PDE1C: variants seen among roughly 807,000 people sequenced by gnomAD.
PDE1C encodes the protein phosphodiesterase 1C.
PDE1C carries 62 observed loss-of-function variants against 93.1 expected under a neutral mutation model. That is an observed-to-expected ratio of 0.67 (90% CI 0.54 to 0.82). PDE1C has a LOEUF of 0.82. Ranked by LOEUF, PDE1C falls within the 40% of genes least tolerant of loss-of-function variation. The pLI is 0.00. For synonymous variants in PDE1C, 325 were observed against 310.1 expected (o/e 1.05, Z -0.50); for missense variants, 742 against 884.6 (o/e 0.84, Z 2.04).
intron 1 of PDE1C, among the ~76,000 whole-genome samples, chr7:32,350,588 A>T (rs1271237887): frequency 0.15 from 403 of 2,684 alleles, 74 homozygotes; most frequent in East Asian, 0.56. Context: ...ATATATATAT[A>T]TATTTTTTTT....
chr7:31,648,932 A>G, the PDE1C span, among the ~76,000 whole-genome samples: 2 of 152,244 alleles, frequency 1.3e-5, no homozygotes, highest in Non-Finnish European at 2.9e-5. Flanking sequence ...ATTCTATGTC[A>G]GAACACGTAT....
chr7:31,823,611 C>T (rs1032053732), intron 13 of PDE1C, among the ~76,000 whole-genome samples: 10 of 152,086 alleles, frequency 6.6e-5, no homozygotes, highest in Non-Finnish European at 1.5e-4. Flanking sequence ...AGTTCACCTA[C>T]CTGCTTCCAC....
At chr7:32,230,382 C>G (rs1293949540) in intron 1 of PDE1C, among the ~76,000 whole-genome samples, 1 of 152,184 alleles carries the variant, frequency 6.6e-6, no homozygotes, top group African/African-American at 2.4e-5. Context: ...AATGCCCGTT[C>G]AGCCCCTACT....
At chr7:31,927,549 C>G (rs1251939738) in intron 2 of PDE1C, among the ~76,000 whole-genome samples, 1 of 152,160 alleles carries the variant, frequency 6.6e-6, no homozygotes, top group South Asian at 2.1e-4. Flanking sequence ...CAGGAAAGCT[C>G]CAGCTGGTAT....
At chr7:32,063,436 G>T (rs1477703553) in intron 1 of PDE1C, among the ~76,000 whole-genome samples, 1 of 152,166 alleles carries the variant, frequency 6.6e-6, no homozygotes, top group African/African-American at 2.4e-5. Context: ...AACTAGAGAT[G>T]GTAATGCAGA....
At chr7:32,147,387 A>G (rs1334127188) in intron 3 of PDE1C, among the ~76,000 whole-genome samples, 1 of 152,310 alleles carries the variant, frequency 6.6e-6, no homozygotes, top group East Asian at 1.9e-4. Context: ...TTTGGGAAAA[A>G]TATCAGTGGC....
intron 2 of PDE1C, among the ~76,000 whole-genome samples, chr7:31,921,979 A>G (rs1420705932): frequency 2.0e-5 from 3 of 150,684 alleles, no homozygotes; most frequent in Non-Finnish European, 3.0e-5. Flanking sequence ...AGAAAATTAG[A>G]GTTAAGAGAG....
At chr7:32,114,730 A>C (rs796975495) in intron 3 of PDE1C, among the ~76,000 whole-genome samples, 1 of 152,222 alleles carries the variant, frequency 6.6e-6, no homozygotes, top group South Asian at 2.1e-4. Flanking sequence ...CAAAGGTCTA[A>C]TATCTAGAAT....
chr7:31,884,393 G>A (rs568747103), intron 2 of PDE1C, among the ~76,000 whole-genome samples: 1 of 151,996 alleles, frequency 6.6e-6, no homozygotes, highest in South Asian at 2.1e-4. Context: ...AAAGGTAAAA[G>A]CCCAAATCAA....
chr7:31,936,361 GA>G (rs1805070944), intron 2 of PDE1C, among the ~76,000 whole-genome samples: 1 of 149,264 alleles, frequency 6.7e-6, no homozygotes, highest in Admixed American at 6.7e-5. Context: ...CAATTCCTGA[GA>G]AAACAAACTC....
chr7:32,325,989 G>A (rs1439165743), intron 1 of PDE1C, among the ~76,000 whole-genome samples: 2 of 152,052 alleles, frequency 1.3e-5, no homozygotes, highest in Non-Finnish European at 2.9e-5. Context: ...TGGAAGTAGT[G>A]AGATTCTAAT....
intron 3 of PDE1C, among the ~76,000 whole-genome samples, chr7:32,135,052 G>A (rs1043820687): frequency 5.3e-5 from 8 of 152,104 alleles, no homozygotes; most frequent in Non-Finnish European, 1.0e-4. Context: ...AGCAATCCCA[G>A]TGAAAGGGCA....
rs147937784 is a variant in PDE1C, at chr7:31,793,070, C to A, written c.1891+15961G>T. On this transcript the variant is annotated intron_variant, in intron 16 of 17. Transcript: ENST00000396191. ...TATTTACTCTATAGGAGCATACAATCATGTTTCAGCAACTTCATTTAGAAA... is the reference window on the plus strand; with the variant it reads ...TATTTACTCTATAGGAGCATACAATAATGTTTCAGCAACTTCATTTAGAAA... 2.8e-3 allele frequency among the ~76,000 whole-genome samples: 431 copies of A among 152,146 alleles called. 4 individuals are homozygous for A. Among genetic ancestry groups the A allele is most frequent in the Middle Eastern group, 0.014 (4 of 294 alleles).
At chr7:31,789,817 G>A (rs1784379039) in intron 16 of PDE1C, 2 of 997,358 alleles carry the variant, frequency 2.0e-6, no homozygotes, top group Non-Finnish European at 2.4e-6. Flanking sequence ...TAAAGTAACG[G>A]CATTGACAGT....
chr7:31,983,678 C>G (rs1321343209), intron 2 of PDE1C, among the ~76,000 whole-genome samples: 1 of 152,136 alleles, frequency 6.6e-6, no homozygotes, highest in Non-Finnish European at 1.5e-5. Context: ...ACTGCCGTGG[C>G]TGCACAGACC....
intron 1 of PDE1C, among the ~76,000 whole-genome samples, chr7:32,308,476 AC>A (rs1017592927): frequency 2.0e-5 from 3 of 152,280 alleles, no homozygotes; most frequent in Admixed American, 6.5e-5. Flanking sequence ...ACTGGGAGGC[AC>A]CCCCCAGTAG....
intron 1 of PDE1C, among the ~76,000 whole-genome samples, chr7:32,332,334 C>G (rs1007924101): frequency 3.3e-5 from 5 of 152,144 alleles, no homozygotes; most frequent in African/African-American, 1.2e-4. Flanking sequence ...TAATCAGCTA[C>G]TGCTACATAA....
At chr7:32,344,163 T>C (rs909984409) in intron 1 of PDE1C, among the ~76,000 whole-genome samples, 1 of 152,206 alleles carries the variant, frequency 6.6e-6, no homozygotes, top group African/African-American at 2.4e-5. Context: ...AGCCTCCATC[T>C]CCTGGGCTCA....
At chr7:32,294,955 G>T (rs923110017) in intron 1 of PDE1C, among the ~76,000 whole-genome samples, 14 of 152,222 alleles carry the variant, frequency 9.2e-5, no homozygotes, top group African/African-American at 3.4e-4. Flanking sequence ...TTCTGAATGT[G>T]ACATGTGTTC....
Sources: allele counts gnomAD v4.1 joint callset (sites outside exome capture counted in the v4.1 genomes callset), GRCh38; gene constraint gnomAD v4.1.1; transcripts MANE v1.5; gene names NCBI Gene and HGNC (gene_info 2026-07-23, HGNC 2026-07-21).